F8: variants seen among roughly 807,000 people sequenced by gnomAD.
F8 encodes the protein coagulation factor VIII, also known as antihemophilic factor.
In F8, 12 loss-of-function variants were observed where a neutral mutation model predicts 140.6. The observed-to-expected ratio is 0.09, with a 90% CI of 0.05 to 0.14. The LOEUF is 0.14. Among genes scored for constraint, F8 ranks in the 10% least tolerant of loss-of-function variants. F8 has a pLI of 1.00. For synonymous variants in F8, 585 were observed against 614.6 expected (o/e 0.95, Z 0.71); for missense variants, 1,354 against 1,720.7 (o/e 0.79, Z 3.77).
intron 12 of F8, among the ~76,000 whole-genome samples, chrX:154,952,599 G>A (rs897252549): frequency 9.5e-6 from 1 of 105,815 alleles, no homozygotes; most frequent in African/African-American, 3.5e-5. Flanking sequence ...CTGGAGTGCA[G>A]TGGCACGATC....
chrX:154,848,226 G>A (rs1340532059), intron 25 of F8, among the ~76,000 whole-genome samples: 3 of 112,836 alleles, frequency 2.7e-5, no homozygotes, highest in Non-Finnish European at 5.6e-5. Flanking sequence ...TAGGCTACTC[G>A]GGGGTCAGGG....
At chrX:154,907,813 A>G (rs1484856253) in intron 14 of F8, among the ~76,000 whole-genome samples, 1 of 111,344 alleles carries the variant, frequency 9.0e-6, no homozygotes, top group Admixed American at 9.6e-5. Context: ...GCTGGAGAAG[A>G]AGGACACAGA....
chrX:154,940,832 C>A (rs180703190), intron 13 of F8, among the ~76,000 whole-genome samples: 2 of 112,166 alleles, frequency 1.8e-5, no homozygotes, highest in Admixed American at 1.9e-4. Flanking sequence ...AGAAACTCTA[C>A]AAGCCAGAAG....
At chrX:154,849,971 G>A (rs2072600986) in intron 25 of F8, among the ~76,000 whole-genome samples, 1 of 110,434 alleles carries the variant, frequency 9.1e-6, no homozygotes, top group Admixed American at 9.8e-5. Flanking sequence ...CTTTTTTGCT[G>A]TTGTCATATG....
At chrX:154,844,196 G>A (rs782406733) in intron 25 of F8, among the ~76,000 whole-genome samples, 2 of 111,253 alleles carry the variant, frequency 1.8e-5, no homozygotes, top group African/African-American at 6.5e-5. Flanking sequence ...TACTGTAGCC[G>A]TGTAGTATAG....
chrX:155,009,737 AAAATAAATAAAT>A (rs782614308), intron 1 of F8, among the ~76,000 whole-genome samples: 2 of 110,782 alleles, frequency 1.8e-5, no homozygotes, highest in Non-Finnish European at 3.8e-5. Flanking sequence ...TCTGTCTCAA[AAAATAAATAAAT>A]AAATAAATAA....
intron 25 of F8, among the ~76,000 whole-genome samples, chrX:154,838,938 C>A (rs782461656): frequency 1.3e-5 from 1 of 78,137 alleles, no homozygotes; most frequent in African/African-American, 4.7e-5. Context: ...CCCACCCCCC[C>A]ACCCCCCCAA....
chrX:154,900,062 G>C (rs1476727157), intron 20 of F8, 111 bp from the exon 21 acceptor site: 1 of 640,537 alleles, frequency 1.6e-6, no homozygotes, highest in African/African-American at 2.2e-5. Flanking sequence ...TGAAAATAGA[G>C]AAAAACATAA....
intron 25 of F8, among the ~76,000 whole-genome samples, chrX:154,849,802 A>G (rs1557272022): frequency 9.1e-6 from 1 of 109,738 alleles, no homozygotes; most frequent in African/African-American, 3.3e-5. Flanking sequence ...TTTTTCTTCT[A>G]CCATTTTGGG....
intron 22 of F8, among the ~76,000 whole-genome samples, chrX:154,865,160 G>C (rs1399220788): frequency 1.8e-5 from 2 of 111,269 alleles, no homozygotes; most frequent in Non-Finnish European, 1.9e-5. Context: ...AAACCTTGCA[G>C]GTCAGGAAAG....
chrX:154,947,906 G>A lies in F8; in HGVS notation c.1905C>T (p.Ser635=). The change falls in exon 13 of 26, where the codon AGC becomes AGT. Residue 635 remains serine, a splice_region_variant and synonymous_variant. Coordinates refer to ENST00000360256, the MANE Select transcript of F8 (RefSeq NM_000132.4). ...PEFQASNIMH[S]INGYVFDSLQ... ...AACTATCAAAAACATAGCCATTGAT[G>A]CCTGCAAAAACAATGGGGAAAAGAG... 1 of 1,202,543 alleles carries A rather than the reference G, an allele frequency of 8.3e-7. No homozygotes were observed. The highest frequency in any genetic ancestry group is 1.1e-6 in the Non-Finnish European group (1 of 887,143).
chrX:154,864,944 A>G (rs1365853223), intron 22 of F8, among the ~76,000 whole-genome samples: 1 of 111,696 alleles, frequency 9.0e-6, no homozygotes, highest in South Asian at 3.7e-4. Context: ...ATAGGTGAGA[A>G]CTCCCCAAAT....
At chrX:154,982,370 C>G (rs1402563303) in intron 6 of F8, among the ~76,000 whole-genome samples, 2 of 102,286 alleles carry the variant, frequency 2.0e-5, no homozygotes, top group Non-Finnish European at 2.0e-5. Flanking sequence ...TGGCGTGAAC[C>G]CCGGGGGGCA....
chrX:154,845,780 G>T (rs2072561211), intron 25 of F8, among the ~76,000 whole-genome samples: 1 of 111,395 alleles, frequency 9.0e-6, no homozygotes, highest in Admixed American at 9.6e-5. Context: ...GGTTTTTTGT[G>T]TCTCTATCTC....
At chrX:154,895,769 C>T (rs2072975520) in intron 22 of F8, among the ~76,000 whole-genome samples, 1 of 111,583 alleles carries the variant, frequency 9.0e-6, no homozygotes, top group Admixed American at 9.5e-5. Flanking sequence ...GCCTGCTGGA[C>T]ATTTCAACCT....
intron 13 of F8, among the ~76,000 whole-genome samples, chrX:154,940,033 A>G (rs1404536154): frequency 9.0e-6 from 1 of 111,482 alleles, no homozygotes; most frequent in African/African-American, 3.3e-5. Context: ...ATCATCAAAG[A>G]CCAAAGGTAG....
At chrX:154,916,299 G>T (rs185695863) in intron 14 of F8, among the ~76,000 whole-genome samples, 1 of 111,757 alleles carries the variant, frequency 8.9e-6, no homozygotes, top group Non-Finnish European at 1.9e-5. Context: ...GTCTGGTTTG[G>T]GTATTGGGAT....
intron 1 of F8, among the ~76,000 whole-genome samples, chrX:155,021,734 A>G (rs945512804): frequency 1.8e-5 from 2 of 112,078 alleles, no homozygotes; most frequent in Non-Finnish European, 3.8e-5. Context: ...AAATCACAGG[A>G]GACTCTTACA....
chrX:154,969,243 C>G lies in F8; in HGVS notation c.1009+88G>C, dbSNP rs782537767. ...CTCTATAATGTCCCCTTCAGCAACACACTATATTCCTGTACATTGTCCAGT... is the reference window on the plus strand; with the variant it reads ...CTCTATAATGTCCCCTTCAGCAACAGACTATATTCCTGTACATTGTCCAGT... On this transcript the variant is annotated intron_variant, in intron 7 of 25. Transcript: ENST00000360256. 5 of 865,019 alleles carry G rather than the reference C, an allele frequency of 5.8e-6. No individual in the cohort carries two copies. In the African/African-American group the frequency reaches 8.1e-5, roughly 14 times the overall value. The allele number at this position is 865,019 out of a possible 1,213,427, so 71.3% of individuals were successfully genotyped here.
Sources: gnomAD v4.1 joint callset for allele counts (sites outside exome capture counted in the v4.1 genomes callset) on GRCh38, gnomAD v4.1.1 for gene constraint, MANE v1.5 for transcripts, NCBI Gene and HGNC (gene_info 2026-07-23, HGNC 2026-07-21) for gene names.